The following KCNS3 variants were observed in gnomAD, a reference collection of about 807,000 sequenced individuals.
The protein encoded by KCNS3 is potassium voltage-gated channel modifier subfamily S member 3, also known as delayed-rectifier potassium channel regulatory subunit KCNS3.
Under a neutral mutation model 31.0 loss-of-function variants are expected in KCNS3, and 13 were observed. That is an observed-to-expected ratio of 0.42 (90% CI 0.27 to 0.67). KCNS3 has a LOEUF of 0.67. Among genes scored for constraint, KCNS3 ranks in the 30% least tolerant of loss-of-function variants. The probability of loss-of-function intolerance (pLI) is 0.25; values close to 1 mark genes in which losing one functional copy is unlikely to be tolerated. For missense variants in KCNS3, 545 were observed against 622.4 expected (o/e 0.88, Z 1.32); for synonymous variants, 238 against 241.5 (o/e 0.99, Z 0.13).
In KCNS3 at chr2:17,930,941, T is replaced by C; in HGVS notation, c.-59-9T>C. On this transcript the variant is annotated splice_polypyrimidine_tract_variant and intron_variant, in intron 2 of 2. Coordinates refer to ENST00000304101, the MANE Select transcript of KCNS3 (RefSeq NM_002252.5). ...ACAGAGTGCTAATATCATCTTGTGC[T>C]CTTTCCAGGTGCAGCCTGATCTTCC... 6.5e-7 allele frequency: 1 copy of C among 1,544,392 alleles called. No homozygotes were observed. The highest frequency in any genetic ancestry group is 8.8e-7 in the Non-Finnish European group (1 of 1,140,946).
chr2:17,903,168 A>G, intron 1 of KCNS3, among the ~76,000 whole-genome samples: 1 of 152,184 alleles, frequency 6.6e-6, no homozygotes, highest in East Asian at 1.9e-4. Flanking sequence ...TAGCTAAGCT[A>G]TTGGCAAATG....
intron 1 of KCNS3, among the ~76,000 whole-genome samples, chr2:17,893,118 T>C (rs1661898564): frequency 6.6e-6 from 1 of 152,070 alleles, no homozygotes; most frequent in Non-Finnish European, 1.5e-5. Context: ...CTGTGGGGGA[T>C]GGAGGTGAGA....
At chr2:17,893,775 T>C (rs1230171634) in intron 1 of KCNS3, among the ~76,000 whole-genome samples, 3 of 152,076 alleles carry the variant, frequency 2.0e-5, no homozygotes, top group Non-Finnish European at 4.4e-5. Flanking sequence ...GTGGGTCTCC[T>C]GGGTCCTGCA....
chr2:17,917,326 G>A (rs532606701), intron 1 of KCNS3, among the ~76,000 whole-genome samples: 2 of 152,302 alleles, frequency 1.3e-5, no homozygotes, highest in South Asian at 2.1e-4. Flanking sequence ...AGTATATCTC[G>A]ATGAATTAGC....
chr2:17,896,793 G>A (rs1662039639), intron 1 of KCNS3, among the ~76,000 whole-genome samples: 1 of 152,206 alleles, frequency 6.6e-6, no homozygotes, highest in Non-Finnish European at 1.5e-5. Context: ...AGTGACTTGA[G>A]AATGGAAGAG....
At chr2:17,925,833 A>AT (rs1211357673) in intron 2 of KCNS3, among the ~76,000 whole-genome samples, 2 of 152,198 alleles carry the variant, frequency 1.3e-5, no homozygotes, top group Non-Finnish European at 2.9e-5. Flanking sequence ...TCATGTCCTC[A>AT]TGTTTTAAAA....
intron 1 of KCNS3, among the ~76,000 whole-genome samples, chr2:17,895,463 A>T (rs1662002922): frequency 6.6e-6 from 1 of 152,184 alleles, no homozygotes; most frequent in Admixed American, 6.5e-5. Flanking sequence ...CATGTCCTGG[A>T]GTCCCTAAGA....
At chr2:17,906,276 A>T (rs1474296848) in intron 1 of KCNS3, among the ~76,000 whole-genome samples, 1 of 152,182 alleles carries the variant, frequency 6.6e-6, no homozygotes, top group Admixed American at 6.5e-5. Context: ...CTCTGATACT[A>T]GTTTGTATTT....
At chr2:17,906,046 C>T (rs547940806) in intron 1 of KCNS3, among the ~76,000 whole-genome samples, 1 of 152,282 alleles carries the variant, frequency 6.6e-6, no homozygotes, top group South Asian at 2.1e-4. Flanking sequence ...GTACCAGCTC[C>T]TCCTTGTACC....
chr2:17,897,512 T>C (rs1662058338), intron 1 of KCNS3, among the ~76,000 whole-genome samples: 1 of 152,222 alleles, frequency 6.6e-6, no homozygotes, highest in East Asian at 1.9e-4. Flanking sequence ...AGCAACAGTG[T>C]GTACTCAGCA....
chr2:17,882,637 T>A (rs927359508), intron 1 of KCNS3, among the ~76,000 whole-genome samples: 2 of 152,110 alleles, frequency 1.3e-5, no homozygotes, highest in African/African-American at 4.8e-5. Context: ...GGGGAGTAAG[T>A]ACAAGCTGGG....
chr2:17,904,388 A>G (rs1662264029), intron 1 of KCNS3, among the ~76,000 whole-genome samples: 1 of 152,192 alleles, frequency 6.6e-6, no homozygotes, highest in Non-Finnish European at 1.5e-5. Flanking sequence ...GATTGCAAAA[A>G]TGTTCTCCCA....
intron 1 of KCNS3, among the ~76,000 whole-genome samples, chr2:17,895,431 G>C (rs1662002466): frequency 6.6e-6 from 1 of 152,126 alleles, no homozygotes; most frequent in Non-Finnish European, 1.5e-5. Context: ...AAAAACAACA[G>C]CTTAGTCAGA....
At chr2:17,929,811 TG>T (rs1362551101) in intron 2 of KCNS3, among the ~76,000 whole-genome samples, 1 of 152,228 alleles carries the variant, frequency 6.6e-6, no homozygotes, top group African/African-American at 2.4e-5. Context: ...TAATTCAACC[TG>T]GGTTTAAATC....
In KCNS3 at chr2:17,931,540, C is replaced by G; in HGVS notation, c.532C>G (p.Pro178Ala). Reference protein sequence around the residue: ...RKKIWIRMENPAYCLSAKLIA... With the variant: ...RKKIWIRMENAAYCLSAKLIA... ...GAAAATCTGGATTAGAATGGAGAAT[C>G]CAGCGTACTGCCTGTCCGCTAAGCT... Residue 178 changes from proline (P) to alanine (A), a missense_variant, in exon 3 of 3, where the codon CCA (proline) becomes GCA (alanine). Pro to Ala is a conservative substitution (Grantham distance 27). Coordinates refer to ENST00000304101, the MANE Select transcript of KCNS3 (RefSeq NM_002252.5). This position sits in a 1 kb window ranked among gnomAD's most constrained non-coding sequence, Gnocchi z 5.4. 6.2e-7 allele frequency: 1 copy of G among 1,614,160 alleles called. No homozygotes were observed. The highest frequency in any genetic ancestry group is 8.5e-7 in the Non-Finnish European group (1 of 1,180,022).
intron 1 of KCNS3, among the ~76,000 whole-genome samples, chr2:17,896,411 C>T (rs1004356429): frequency 3.3e-5 from 5 of 151,936 alleles, no homozygotes; most frequent in Admixed American, 6.6e-5. Flanking sequence ...AAGGGCATTA[C>T]AAGTAGAAGC....
At chr2:17,921,566 G>A (rs1355934609) in intron 2 of KCNS3, among the ~76,000 whole-genome samples, 2 of 152,024 alleles carry the variant, frequency 1.3e-5, no homozygotes, top group African/African-American at 4.8e-5. Flanking sequence ...AAGGGAAAGA[G>A]GTTTAATTGA....
intron 2 of KCNS3, among the ~76,000 whole-genome samples, chr2:17,921,747 A>G (rs1312005214): frequency 6.6e-6 from 1 of 151,534 alleles, no homozygotes; most frequent in Non-Finnish European, 1.5e-5. Context: ...ACTAACAATC[A>G]TGAAAAAAGC....
At chr2:17,926,519 T>G (rs1323105495) in intron 2 of KCNS3, among the ~76,000 whole-genome samples, 1 of 152,236 alleles carries the variant, frequency 6.6e-6, no homozygotes, top group Admixed American at 6.5e-5. Context: ...CCATACATCC[T>G]CTGAAATCTA....
Sources: gnomAD v4.1 joint callset for allele counts (sites outside exome capture counted in the v4.1 genomes callset) on GRCh38, gnomAD v4.1.1 for gene constraint, Gnocchi (gnomAD v3.1) non-coding constraint, MANE v1.5 for transcripts, NCBI Gene and HGNC (gene_info 2026-07-23, HGNC 2026-07-21) for gene names.